The following G3BP2 variants were observed in gnomAD, a reference collection of about 807,000 sequenced individuals.
G3BP2 encodes G3BP stress granule assembly factor 2.
G3BP2 carries 11 observed loss-of-function variants against 56.7 expected under a neutral mutation model. That is an observed-to-expected ratio of 0.19 (90% CI 0.12 to 0.32). The LOEUF is 0.32. Among genes scored for constraint, G3BP2 ranks in the 10% least tolerant of loss-of-function variants. The pLI, the probability that G3BP2 is intolerant of heterozygous loss-of-function variation, is 1.00. For synonymous variants in G3BP2, 165 were observed against 191.6 expected, an observed-to-expected ratio of 0.86 and a Z score of 1.15; for missense variants, 340 against 610.9, an observed-to-expected ratio of 0.56 and a Z score of 4.67.
In G3BP2 at chr4:75,657,592, T is replaced by G; in HGVS notation, c.316A>C (p.Arg106=). ...GLLSNSGQPE[R]KFMQTFVLAP... is the part of the protein sequence containing the mutation. ...AGAACAAAGGTTTGCATAAACTTTC[T>G]TTCTGGTTGTCCACTGTTAGACAGC... Residue 106 remains arginine, a synonymous_variant, in exon 4 of 12, where the codon AGA becomes CGA. Coordinates refer to ENST00000359707, the MANE Select transcript of G3BP2 (RefSeq NM_203505.3). The G allele has an allele frequency of 6.2e-7, 1 of 1,612,152 alleles. No homozygotes were observed. Among genetic ancestry groups the G allele is most frequent in the South Asian group, 1.1e-5 (1 of 90,648 alleles).
intron 3 of G3BP2, among the ~76,000 whole-genome samples, chr4:75,698,183 C>T (rs946335669): frequency 6.6e-6 from 1 of 152,098 alleles, no homozygotes; most frequent in Admixed American, 6.6e-5. Context: ...CTAGGGGAGC[C>T]CACTGTAATA....
At chr4:75,655,588 A>G (rs1255254965) in intron 6 of G3BP2, among the ~76,000 whole-genome samples, 180 bp downstream of exon 6, 2 of 152,244 alleles carry the variant, frequency 1.3e-5, no homozygotes, top group African/African-American at 4.8e-5. Flanking sequence ...AGCCATGTTC[A>G]ATTTTTGTAT....
intron 3 of G3BP2, among the ~76,000 whole-genome samples, chr4:75,691,162 C>G (rs1718840545): frequency 1.3e-5 from 2 of 152,070 alleles, no homozygotes; most frequent in South Asian, 4.1e-4. Flanking sequence ...TCACTTCAAC[C>G]TGTGCCTCCC....
chr4:75,686,310 A>C (rs1203386251), intron 3 of G3BP2, among the ~76,000 whole-genome samples: 1 of 152,134 alleles, frequency 6.6e-6, no homozygotes, highest in Non-Finnish European at 1.5e-5. Context: ...ATGCTAATGG[A>C]AGAGACACAG....
chr4:75,712,192 T>TTA (rs913924310), intron 3 of G3BP2, among the ~76,000 whole-genome samples: 1 of 152,154 alleles, frequency 6.6e-6, no homozygotes, highest in African/African-American at 2.4e-5. Flanking sequence ...TTAAACAATT[T>TTA]TATATATATA....
chr4:75,704,843 G>C (rs550162730), intron 3 of G3BP2, among the ~76,000 whole-genome samples: 5 of 152,008 alleles, frequency 3.3e-5, no homozygotes, highest in Non-Finnish European at 7.4e-5. Flanking sequence ...GTGTTGGCCA[G>C]GCTGGTCTCA....
At chr4:75,666,186 G>C (rs1487342350) in intron 1 of G3BP2, among the ~76,000 whole-genome samples, 1 of 152,192 alleles carries the variant, frequency 6.6e-6, no homozygotes, top group African/African-American at 2.4e-5. Context: ...GGTCACTGAA[G>C]TATAATGGCC....
chr4:75,650,431 A>C (rs1338801925), intron 8 of G3BP2, among the ~76,000 whole-genome samples: 4 of 151,644 alleles, frequency 2.6e-5, no homozygotes, highest in Non-Finnish European at 4.4e-5. Flanking sequence ...CATCTCAAAA[A>C]AAAAAAAAAA....
chr4:75,649,454 T>C (rs1221097325), intron 8 of G3BP2, among the ~76,000 whole-genome samples: 1 of 152,030 alleles, frequency 6.6e-6, no homozygotes, highest in Non-Finnish European at 1.5e-5. Flanking sequence ...GGTCTGGGAG[T>C]AATAGGACAG....
chr4:75,656,397 G>GA (rs1466361063), intron 5 of G3BP2, among the ~76,000 whole-genome samples: 4 of 151,444 alleles, frequency 2.6e-5, no homozygotes, highest in Non-Finnish European at 5.9e-5. Flanking sequence ...TACTCTATTA[G>GA]AAAAAAACAA....
At chr4:75,693,283 A>C (rs1425950839) in intron 3 of G3BP2, among the ~76,000 whole-genome samples, 1 of 152,074 alleles carries the variant, frequency 6.6e-6, no homozygotes, top group Non-Finnish European at 1.5e-5. Context: ...ATTTCAACAA[A>C]AATCCAGATG....
intron 1 of G3BP2, among the ~76,000 whole-genome samples, chr4:75,723,172 G>A (rs1720247100): frequency 6.6e-6 from 1 of 152,218 alleles, no homozygotes; most frequent in Admixed American, 6.5e-5. Context: ...CCAGGTCTGA[G>A]AAAAATGCCC....
At chr4:75,697,075 A>G (rs759376379) in intron 3 of G3BP2, among the ~76,000 whole-genome samples, 4 of 151,920 alleles carry the variant, frequency 2.6e-5, no homozygotes, top group Admixed American at 6.6e-5. Flanking sequence ...AGGAGATGAG[A>G]CCATCCTGGC....
At chr4:75,724,337 A>T (rs1278163071) in exon 1 of G3BP2, 1 of 157,316 alleles carries the variant, frequency 6.4e-6, no homozygotes, top group African/African-American at 2.4e-5. Flanking sequence ...CTCAGATTTG[A>T]TAGCTTGCAG....
intron 3 of G3BP2, among the ~76,000 whole-genome samples, chr4:75,718,134 CAA>C (rs141677439): frequency 6.9e-6 from 1 of 144,910 alleles, no homozygotes. Flanking sequence ...GACTCCGTCG[CAA>C]AAAAAAAATT....
At chr4:75,668,874 T>C (rs1733264814) in intron 1 of G3BP2, among the ~76,000 whole-genome samples, 1 of 152,212 alleles carries the variant, frequency 6.6e-6, no homozygotes, top group Admixed American at 6.5e-5. Flanking sequence ...TTGGCCTTTA[T>C]CATAGCAGTT....
upstream of G3BP2, among the ~76,000 whole-genome samples, chr4:75,674,872 G>A (rs1032090997): frequency 6.6e-6 from 1 of 151,240 alleles, no homozygotes; most frequent in African/African-American, 2.4e-5. Flanking sequence ...ACAGGCGCAT[G>A]CCACCACACC....
At chr4:75,647,389 T>A (rs762843183) in intron 9 of G3BP2, among the ~76,000 whole-genome samples, 5 of 152,196 alleles carry the variant, frequency 3.3e-5, no homozygotes, top group Non-Finnish European at 5.9e-5. Context: ...TTCTTCTAGA[T>A]CTACTGGATT....
At chr4:75,688,491 T>G (rs1174321108) in intron 3 of G3BP2, among the ~76,000 whole-genome samples, 2 of 152,202 alleles carry the variant, frequency 1.3e-5, no homozygotes, top group Non-Finnish European at 2.9e-5. Flanking sequence ...TTTTCAATGT[T>G]CCAGTTGGCC....
Sources: allele counts gnomAD v4.1 joint callset (sites outside exome capture counted in the v4.1 genomes callset), GRCh38; gene constraint gnomAD v4.1.1; transcripts MANE v1.5; gene names NCBI Gene and HGNC (gene_info 2026-07-23, HGNC 2026-07-21).